SLIT2: variants seen among roughly 807,000 people sequenced by gnomAD.
SLIT2 encodes the protein slit homolog 2 protein.
Under a neutral mutation model 185.7 loss-of-function variants are expected in SLIT2, and 41 were observed. That is an observed-to-expected ratio of 0.22 (90% CI 0.17 to 0.29). The LOEUF (loss-of-function observed/expected upper bound fraction) is 0.29. Ranked by LOEUF, SLIT2 falls within the 10% of genes least tolerant of loss-of-function variation. The pLI is 1.00. For missense variants in SLIT2, 1,571 were observed against 1,909.0 expected (o/e 0.82, Z 3.30); for synonymous variants, 693 against 680.2 (o/e 1.02, Z -0.29).
chr4:20,548,420 C>A, intron 22 of SLIT2, 68 bp from the exon 23 acceptor site: 1 of 809,648 alleles, frequency 1.2e-6, no homozygotes. Context: ...GACCCTTCTC[C>A]TTCTAAGAAT....
At chr4:20,612,630 G>A (rs1048678837) in intron 34 of SLIT2, among the ~76,000 whole-genome samples, 1 of 151,992 alleles carries the variant, frequency 6.6e-6, no homozygotes, top group African/African-American at 2.4e-5. Context: ...TAAAAATAGT[G>A]ACTACAGCTG....
Position 20,402,873 on chromosome 4 carries a change from T to TAAGCTTTA in SLIT2, c.396-64876_396-64869dup, listed in dbSNP as rs1230788292. On this transcript the variant is annotated intron_variant, in intron 4 of 36. Transcript: ENST00000504154. ...AGGTAATATAAGTTGAAGTACTTTA[T>TAAGCTTTA]AAGCTTTAAATAGTGTATAGCTGTA... 2.6e-5 allele frequency among the ~76,000 whole-genome samples: 4 copies of TAAGCTTTA among 151,838 alleles called. No homozygotes were observed. The South Asian group carries it at 6.2e-4, about 24-fold the overall frequency.
chr4:20,571,324 C>T (rs887014250), intron 29 of SLIT2, among the ~76,000 whole-genome samples: 1 of 152,056 alleles, frequency 6.6e-6, no homozygotes, highest in Non-Finnish European at 1.5e-5. Context: ...GCATGGCGTA[C>T]AGAACATGAA....
chr4:20,406,357 A>G lies in SLIT2; in HGVS notation c.396-61395A>G, dbSNP rs2109413965. 1.4e-5 allele frequency among the ~76,000 whole-genome samples: 2 copies of G among 143,984 alleles called. 1 individual carries two copies. Among genetic ancestry groups the G allele is most frequent in the East Asian group, 5.1e-4 (2 of 3,948 alleles). 94.5% of individuals were successfully genotyped at this position (143,984 alleles called of 152,430 possible). On this transcript the variant is annotated intron_variant, in intron 4 of 36. Transcript: ENST00000504154. The stretch of plus-strand genomic sequence containing the variant: ...ACTTATCAACGATACTATTTCCTGA[A>G]TAGGAGTGGGAGAAGGGATTTGTAA...
In SLIT2 at chr4:20,567,621, T is replaced by C. The variant is rs1725211120; in HGVS notation, c.2948+6T>C. ...GGAGAAGAAGATGGATTCTGGTAGGTCATTAGTCTATGACCATCTGTGTCT... is the reference window on the plus strand; with the variant it reads ...GGAGAAGAAGATGGATTCTGGTAGGCCATTAGTCTATGACCATCTGTGTCT... On this transcript the variant is annotated splice_donor_region_variant and intron_variant, in intron 28 of 36. Transcript: ENST00000504154. 1.4e-5 allele frequency: 22 copies of C among 1,599,644 alleles called. No individual in the cohort carries two copies. Among genetic ancestry groups the C allele is most frequent in the Non-Finnish European group, 1.8e-5 (21 of 1,167,136 alleles).
intron 26 of SLIT2, among the ~76,000 whole-genome samples, chr4:20,566,979 G>A (rs1004475766): frequency 9.9e-5 from 15 of 151,944 alleles, no homozygotes; most frequent in Non-Finnish European, 2.1e-4. Flanking sequence ...GTCAGCCCAT[G>A]AGGGGACTCT....
chr4:20,476,898 A>C (rs1716165129), intron 5 of SLIT2, among the ~76,000 whole-genome samples: 2 of 152,148 alleles, frequency 1.3e-5, no homozygotes, highest in African/African-American at 4.8e-5. Context: ...TTTAAAACTT[A>C]TATTTAGCAA....
chr4:20,575,726 A>C (rs1386572758), intron 29 of SLIT2, among the ~76,000 whole-genome samples: 1 of 152,136 alleles, frequency 6.6e-6, no homozygotes, highest in Non-Finnish European at 1.5e-5. Context: ...CTCGCTGTGC[A>C]CAATTGTCCT....
chr4:20,309,635 A>G (rs56707411), intron 4 of SLIT2, among the ~76,000 whole-genome samples: 9,828 of 152,002 alleles, frequency 0.065, 628 homozygotes, highest in African/African-American at 0.17. Context: ...TTAATTTGCT[A>G]TATCTAATAC....
intron 4 of SLIT2, among the ~76,000 whole-genome samples, chr4:20,384,411 G>T (rs1052091230): frequency 1.2e-4 from 18 of 152,104 alleles, no homozygotes; most frequent in Non-Finnish European, 2.4e-4. Flanking sequence ...ACTTTTTGGG[G>T]TGACAGAAGA....
At chr4:20,262,785 T>A (rs913058709) in intron 3 of SLIT2, among the ~76,000 whole-genome samples, 1 of 151,890 alleles carries the variant, frequency 6.6e-6, no homozygotes, top group Non-Finnish European at 1.5e-5. Flanking sequence ...TTACTGACGC[T>A]GGTCATAGAA....
At chr4:20,374,791 C>T (rs553583100) in intron 4 of SLIT2, among the ~76,000 whole-genome samples, 2 of 152,108 alleles carry the variant, frequency 1.3e-5, no homozygotes, top group Admixed American at 1.3e-4. Flanking sequence ...TATAATAATA[C>T]TCTGAAGAAA....
rs559683129 is a variant in SLIT2 at position 20,281,367 on chromosome 4, G to T, written c.395+12486G>T. On this transcript the variant is annotated intron_variant, in intron 4 of 36. Coordinates refer to ENST00000504154, the MANE Select transcript of SLIT2 (RefSeq NM_004787.4). ...TAAAGGTTTATATGTTCATATTTGC[G>T]TTATAATTTTTTTTGTAATAGGTTG... is the stretch of plus-strand genomic sequence containing the variant. Among the ~76,000 whole-genome samples the T allele has an allele frequency of 4.6e-5, 7 of 152,212 alleles. No homozygotes were observed. The South Asian group carries it at 1.4e-3, about 32-fold the overall frequency.
intron 4 of SLIT2, among the ~76,000 whole-genome samples, chr4:20,310,555 C>G (rs1219613906): frequency 6.6e-6 from 1 of 152,138 alleles, no homozygotes; most frequent in Non-Finnish European, 1.5e-5. Flanking sequence ...CTGTCCTGTT[C>G]AGCATCGTCC....
In SLIT2 at chr4:20,405,863, T is replaced by C. The variant is rs752144737; in HGVS notation, c.396-61889T>C. ...GACTCGAATACATATATTCATATGA[T>C]AGAAGAGTAATTTTTATCTTTTTAA... On this transcript the variant is annotated intron_variant, in intron 4 of 36. Transcript: ENST00000504154. 2.6e-5 allele frequency among the ~76,000 whole-genome samples: 4 copies of C among 152,070 alleles called. 1 individual carries two copies. The South Asian group carries it at 6.2e-4, about 24-fold the overall frequency.
chr4:20,322,990 T>C (rs1048457541), intron 4 of SLIT2, among the ~76,000 whole-genome samples: 2 of 152,186 alleles, frequency 1.3e-5, no homozygotes, highest in Non-Finnish European at 2.9e-5. Context: ...AGTACTTTCA[T>C]AGAAATATGT....
At chr4:20,294,207 G>T (rs1026078660) in intron 4 of SLIT2, among the ~76,000 whole-genome samples, 1 of 151,974 alleles carries the variant, frequency 6.6e-6, no homozygotes, top group African/African-American at 2.4e-5. Flanking sequence ...AATTAGCTGG[G>T]CATGGTGGCA....
chr4:20,289,245 C>A (rs1403454297), intron 4 of SLIT2, among the ~76,000 whole-genome samples: 1 of 152,012 alleles, frequency 6.6e-6, no homozygotes, highest in African/African-American at 2.4e-5. Context: ...TAAAATGGAA[C>A]CTCTTAGAAT....
intron 4 of SLIT2, among the ~76,000 whole-genome samples, chr4:20,332,964 A>T (rs6821204): frequency 0.87 from 132,049 of 152,084 alleles, 57,511 homozygotes; most frequent in African/African-American, 0.92. Flanking sequence ...TTTTAAAAGA[A>T]AGGACATAAT....
Sources: allele counts gnomAD v4.1 joint callset (sites outside exome capture counted in the v4.1 genomes callset), GRCh38; gene constraint gnomAD v4.1.1; transcripts MANE v1.5; gene names NCBI Gene and HGNC (gene_info 2026-07-23, HGNC 2026-07-21).